Variants in FER1L6 observed in about 807,000 individuals in gnomAD.
FER1L6 encodes the protein fer-1-like protein 6.
Under a neutral mutation model 219.2 loss-of-function variants are expected in FER1L6, and 177 were observed. The observed-to-expected ratio is 0.81, with a 90% CI of 0.71 to 0.91. The LOEUF (loss-of-function observed/expected upper bound fraction) is 0.91, where lower values mean the gene tolerates loss of function less well. Ranked by LOEUF, FER1L6 falls within the 40% of genes least tolerant of loss-of-function variation. The pLI, the probability that FER1L6 is intolerant of heterozygous loss-of-function variation, is 0.00. For missense variants in FER1L6, 2,153 were observed against 2,259.9 expected (o/e 0.95, Z 0.96); for synonymous variants, 768 against 824.3 (o/e 0.93, Z 1.17).
Position 124,106,950 on chromosome 8 carries a change from T to C in FER1L6, c.5289+3641T>C, listed in dbSNP as rs143877957. Among the ~76,000 whole-genome samples, 1,063 of 145,180 alleles carry C rather than the reference T, an allele frequency of 7.3e-3. 20 individuals are homozygous for C. The highest frequency in any genetic ancestry group is 0.022 in the Middle Eastern group (6 of 278). On this transcript the variant is annotated intron_variant, in intron 39 of 40. Transcript: ENST00000522917. ...TAAGAGATTATAAGGTTTTCTTTTT[T>C]TTTTTTTTTTTTTTTTGAGACAGAG...
intron 1 of FER1L6, among the ~76,000 whole-genome samples, chr8:123,865,783 G>A (rs2130264985): frequency 6.6e-6 from 1 of 151,418 alleles, no homozygotes; most frequent in East Asian, 1.9e-4. Context: ...CTCGGAAAGG[G>A]AACTCCCTGA....
At position 123,973,505 on chromosome 8, in the gene FER1L6, C is replaced by A. The variant is rs372022435; in HGVS notation, c.519C>A (p.Asn173Lys). The change falls in exon 7 of 41, where the codon AAC becomes AAA. Residue 173 changes from asparagine to lysine, a missense_variant. Asn to Lys is a moderately conservative substitution (Grantham distance 94, BLOSUM62 0). Coordinates refer to ENST00000522917, the MANE Select transcript of FER1L6 (RefSeq NM_001039112.2). Reference sequence around the variant, plus strand: ...AAGTAGACCTGGGGACCGTGTACAACCAACCTGGTAAGAAAACATCACCTC... The same window carrying A: ...AAGTAGACCTGGGGACCGTGTACAAACAACCTGGTAAGAAAACATCACCTC... Reference protein sequence around the residue: ...SFKVDLGTVYNQPGHQFCNKW... With the variant: ...SFKVDLGTVYKQPGHQFCNKW... The A allele has an allele frequency of 1.6e-5, 25 of 1,612,358 alleles. No individual in the cohort carries two copies. In the African/African-American group the frequency reaches 3.3e-4, roughly 22 times the overall value.
intron 40 of FER1L6, among the ~76,000 whole-genome samples, 189 bp downstream of exon 40, chr8:124,119,133 T>C (rs1213590695): frequency 6.6e-6 from 1 of 152,174 alleles, no homozygotes; most frequent in Non-Finnish European, 1.5e-5. Flanking sequence ...ATATAAGACA[T>C]AAAGTATGCC....
intron 30 of FER1L6, 64 bp from the exon 31 acceptor site, chr8:124,071,442 C>G (rs1821065238): frequency 6.3e-7 from 1 of 1,599,432 alleles, no homozygotes. Flanking sequence ...GCACAGTGCT[C>G]TCTGTGGGTT....
intron 30 of FER1L6, 108 bp from the exon 31 acceptor site, chr8:124,071,398 T>A: frequency 7.0e-7 from 1 of 1,435,098 alleles, no homozygotes; most frequent in Non-Finnish European, 9.6e-7. Flanking sequence ...CCAAACCAGG[T>A]CCTGCAAATT....
intron 1 of FER1L6, among the ~76,000 whole-genome samples, chr8:123,945,019 C>T (rs1197475318): frequency 1.3e-5 from 2 of 152,156 alleles, no homozygotes; most frequent in Non-Finnish European, 2.9e-5. Flanking sequence ...GACTTTGCTC[C>T]CATCATAGAT....
At chr8:123,931,040 T>C (rs1813742459) in intron 1 of FER1L6, among the ~76,000 whole-genome samples, 1 of 152,174 alleles carries the variant, frequency 6.6e-6, no homozygotes. Context: ...GGAAACATCC[T>C]TTGGTGGTAG....
intron 13 of FER1L6, among the ~76,000 whole-genome samples, chr8:124,008,632 G>C (rs1817774466): frequency 6.6e-6 from 1 of 152,174 alleles, no homozygotes; most frequent in South Asian, 2.1e-4. Context: ...AAGATAAATA[G>C]GAGGGATTTA....
chr8:123,903,070 G>T (rs1812887795), intron 1 of FER1L6, among the ~76,000 whole-genome samples: 1 of 151,536 alleles, frequency 6.6e-6, no homozygotes, highest in African/African-American at 2.4e-5. Context: ...TTAGTAATTT[G>T]TTTTTTTTAA....
chr8:123,964,209 G>A (rs16899138), intron 3 of FER1L6, among the ~76,000 whole-genome samples: 2,640 of 152,268 alleles, frequency 0.017, 75 homozygotes, highest in African/African-American at 0.058. Flanking sequence ...TAAAAGTTAC[G>A]GGGCAACAAG....
At chr8:123,935,131 GT>G (rs961017077) in intron 1 of FER1L6, among the ~76,000 whole-genome samples, 3 of 152,206 alleles carry the variant, frequency 2.0e-5, no homozygotes, top group South Asian at 2.1e-4. Context: ...GGTGACTTAA[GT>G]TTTTTTCTTT....
intron 12 of FER1L6, among the ~76,000 whole-genome samples, chr8:123,989,039 C>T (rs749249318): frequency 4.0e-4 from 61 of 151,824 alleles, no homozygotes; most frequent in Admixed American, 5.9e-4. Context: ...TAATCATGAA[C>T]GGATGTTAAA....
Position 124,060,282 on chromosome 8 carries a change from C to G in FER1L6, c.2977C>G (p.Arg993Gly), listed in dbSNP as rs777804977. 1.2e-6 allele frequency: 2 copies of G among 1,614,012 alleles called. No homozygotes were observed. Among genetic ancestry groups the G allele is most frequent in the Non-Finnish European group, 1.7e-6 (2 of 1,179,912 alleles). The change falls in exon 23 of 41, where the codon CGA (arginine) becomes GGA (glycine). Residue 993 changes from arginine (R) to glycine (G), a missense_variant. Transcript: ENST00000522917. ...ANIRPVLSKY[R>G]VEVLFWGVRE... ...CATTCGGCCGGTGCTGAGCAAATACCGAGTGGAGGTACGGGTCAGCGGAGG... is the reference window on the plus strand; with the variant it reads ...CATTCGGCCGGTGCTGAGCAAATACGGAGTGGAGGTACGGGTCAGCGGAGG...
At chr8:124,066,199 G>A (rs2089122085) in intron 26 of FER1L6, among the ~76,000 whole-genome samples, 1 of 152,152 alleles carries the variant, frequency 6.6e-6, no homozygotes, top group South Asian at 2.1e-4. Context: ...GTCAAAACCA[G>A]TATCTCACGT....
chr8:123,963,352 G>C lies in FER1L6; in HGVS notation c.151G>C (p.Asp51His). The C allele has an allele frequency of 6.2e-7, 1 of 1,614,168 alleles. No individual in the cohort carries two copies. The highest frequency in any genetic ancestry group is 8.5e-7 in the Non-Finnish European group (1 of 1,179,994). The change falls in exon 3 of 41, where the codon GAT (aspartate) becomes CAT (histidine). Residue 51 changes from aspartate to histidine, a missense_variant. Asp to His is a moderately conservative substitution (Grantham distance 81). Transcript: ENST00000522917. ...AGGACCGAGAGGAGATTTGGTCCATGATGATGCTTCTATCTTTCCTGTCCC... is the reference window on the plus strand; with the variant it reads ...AGGACCGAGAGGAGATTTGGTCCATCATGATGCTTCTATCTTTCCTGTCCC... ...QEGPRGDLVH[D>H]DASIFPVPSA...
rs1815000576 is a variant in FER1L6 at position 123,956,030 on chromosome 8, A to G, written c.32A>G (p.Asn11Ser). The stretch of plus-strand genomic sequence containing the variant: ...GGGCTGAAGGTGAAGAAGAAGAGAA[A>G]TAAGGCAGAGAAGGGGTTAATCCTA... MFGLKVKKKR[N>S]KAEKGLILAN... Residue 11 changes from asparagine to serine, a missense_variant, in exon 2 of 41, where the codon AAT becomes AGT. Asn to Ser is a conservative substitution (Grantham distance 46). Coordinates refer to ENST00000522917, the MANE Select transcript of FER1L6 (RefSeq NM_001039112.2). The G allele has an allele frequency of 6.2e-7, 1 of 1,612,424 alleles. No homozygotes were observed. The highest frequency in any genetic ancestry group is 1.3e-5 in the African/African-American group (1 of 75,002).
chr8:123,887,122 C>T (rs1817217821), intron 1 of FER1L6, among the ~76,000 whole-genome samples: 1 of 152,122 alleles, frequency 6.6e-6, no homozygotes, highest in Admixed American at 6.5e-5. Flanking sequence ...TTCCTGTTTT[C>T]CTGTACATAG....
chr8:124,029,347 A>G (rs553792930), intron 18 of FER1L6, among the ~76,000 whole-genome samples: 1 of 152,336 alleles, frequency 6.6e-6, no homozygotes, highest in South Asian at 2.1e-4. Flanking sequence ...TCCTTGAGGA[A>G]TCGCCACACT....
chr8:123,980,706 A>G lies in FER1L6; in HGVS notation c.1305A>G (p.Lys435=). Residue 435 remains lysine, a synonymous_variant, in exon 11 of 41, where the codon AAA becomes AAG. Transcript: ENST00000522917. ...PSKDKDSKSS[K]GKDKADKTED... is the part of the protein sequence containing the mutation. Reference sequence around the variant, plus strand: ...AGGACAAAGACTCCAAATCTTCCAAAGGTAAAGACAAGGCTGACAAAACTG... The same window carrying G: ...AGGACAAAGACTCCAAATCTTCCAAGGGTAAAGACAAGGCTGACAAAACTG... 6.2e-7 allele frequency: 1 copy of G among 1,614,174 alleles called. No individual in the cohort carries two copies. Among genetic ancestry groups the G allele is most frequent in the African/African-American group, 1.3e-5 (1 of 75,050 alleles).
Sources: gnomAD v4.1 joint callset for allele counts (sites outside exome capture counted in the v4.1 genomes callset) on GRCh38, gnomAD v4.1.1 for gene constraint, MANE v1.5 for transcripts, NCBI Gene and HGNC (gene_info 2026-07-23, HGNC 2026-07-21) for gene names.